The following ENOX1 variants were observed in gnomAD, a reference collection of about 807,000 sequenced individuals.
ENOX1 encodes ecto-NOX disulfide-thiol exchanger 1, also known as candidate growth-related and time keeping constitutive hydroquinone (NADH) oxidase.
ENOX1 carries 42 observed loss-of-function variants against 82.5 expected under a neutral mutation model. The observed-to-expected ratio is 0.51, with a 90% CI of 0.40 to 0.66. The LOEUF (loss-of-function observed/expected upper bound fraction) is 0.66. Among genes scored for constraint, ENOX1 ranks in the 30% least tolerant of loss-of-function variants. The pLI, the probability that ENOX1 is intolerant of heterozygous loss-of-function variation, is 0.00. For synonymous variants in ENOX1, 271 were observed against 282.2 expected (o/e 0.96, Z 0.40); for missense variants, 608 against 811.6 (o/e 0.75, Z 3.05).
chr13:43,446,824 T>C (rs541197347), intron 3 of ENOX1, among the ~76,000 whole-genome samples: 2 of 152,328 alleles, frequency 1.3e-5, no homozygotes, highest in East Asian at 3.9e-4. Context: ...TCCATGCCCA[T>C]CCTGGGGGCA....
intron 5 of ENOX1, among the ~76,000 whole-genome samples, chr13:43,390,071 G>C (rs775022146): frequency 1.3e-5 from 2 of 152,162 alleles, no homozygotes; most frequent in African/African-American, 4.8e-5. Context: ...TACATGTGTT[G>C]TATATACTTG....
chr13:43,352,135 G>A (rs1248765938), intron 8 of ENOX1, among the ~76,000 whole-genome samples: 2 of 152,144 alleles, frequency 1.3e-5, no homozygotes, highest in Non-Finnish European at 2.9e-5. Flanking sequence ...AGGCTGACAT[G>A]AGGCTATTCT....
At chr13:43,591,958 A>T (rs960981552) in intron 2 of ENOX1, among the ~76,000 whole-genome samples, 1 of 151,858 alleles carries the variant, frequency 6.6e-6, no homozygotes, top group Non-Finnish European at 1.5e-5. Context: ...TTCTCACAGC[A>T]GCCCACACAC....
chr13:43,325,548 A>G (rs1057159582), intron 10 of ENOX1, among the ~76,000 whole-genome samples: 18 of 152,220 alleles, frequency 1.2e-4, no homozygotes, highest in Non-Finnish European at 2.5e-4. Flanking sequence ...TAAAATACTT[A>G]TTTTACAAGT....
chr13:43,441,710 A>C (rs7331310), intron 3 of ENOX1, among the ~76,000 whole-genome samples: 90,374 of 152,002 alleles, frequency 0.59, 28,994 homozygotes, highest in Non-Finnish European at 0.74. Context: ...TGGGCAAATG[A>C]AATCTCCAGT....
chr13:43,464,285 A>C (rs1310289462), intron 3 of ENOX1, among the ~76,000 whole-genome samples: 1 of 152,252 alleles, frequency 6.6e-6, no homozygotes, highest in Non-Finnish European at 1.5e-5. Context: ...AAATAAATAT[A>C]GGAGGCAAGA....
At chr13:43,452,937 T>C (rs2057043229) in intron 3 of ENOX1, among the ~76,000 whole-genome samples, 1 of 152,192 alleles carries the variant, frequency 6.6e-6, no homozygotes, top group Admixed American at 6.5e-5. Context: ...TTATAGTCTG[T>C]TAGATGATCA....
intron 12 of ENOX1, among the ~76,000 whole-genome samples, chr13:43,297,257 T>C (rs1270933129): frequency 6.6e-6 from 1 of 152,224 alleles, no homozygotes; most frequent in African/African-American, 2.4e-5. Context: ...GTTAGGTTGA[T>C]GTATCTGTAG....
intron 2 of ENOX1, among the ~76,000 whole-genome samples, chr13:43,484,886 A>G (rs2076361356): frequency 6.6e-6 from 1 of 152,156 alleles, no homozygotes; most frequent in Admixed American, 6.5e-5. Flanking sequence ...TCCTTAGACA[A>G]AGAGAGAACT....
intron 2 of ENOX1, among the ~76,000 whole-genome samples, chr13:43,494,035 C>T (rs769606772): frequency 6.6e-6 from 1 of 152,078 alleles, no homozygotes; most frequent in African/African-American, 2.4e-5. Flanking sequence ...CATCAGATCT[C>T]GTGAGAACTC....
intron 5 of ENOX1, among the ~76,000 whole-genome samples, chr13:43,406,492 CTTTTT>C (rs58818536): frequency 8.8e-6 from 1 of 114,046 alleles, no homozygotes. Flanking sequence ...AGTATGTTGT[CTTTTT>C]TTTTTTTTTT....
Position 43,236,738 on chromosome 13 carries a change from C to A in ENOX1, c.1612G>T (p.Glu538Ter). Residue 538 changes from glutamate (E) to a stop codon, truncating the protein, a stop_gained and splice_region_variant, in exon 15 of 17, where the codon GAA becomes TAA. Coordinates refer to ENST00000690772, the MANE Select transcript of ENOX1 (RefSeq NM_001347969.2). LOFTEE classifies it high-confidence loss of function. Reference protein sequence around the residue: ...TNGHSHEDSNEINVLTVALVN... With the variant: ...TNGHSHEDSN ...AATGCAACTGTCAACACATTGATTT[C>A]CTATAAAGTTAAAAGCCAAAAACCA... The A allele has an allele frequency of 6.4e-7, 1 of 1,561,290 alleles. No homozygotes were observed. The highest frequency in any genetic ancestry group is 8.6e-7 in the Non-Finnish European group (1 of 1,163,290).
At chr13:43,351,394 TTTTATTTTATTTA>T (rs993824641) in intron 8 of ENOX1, among the ~76,000 whole-genome samples, 33 of 140,900 alleles carry the variant, frequency 2.3e-4, no homozygotes, top group East Asian at 4.3e-4. Flanking sequence ...AAATATTTCT[TTTTATTTTATTTA>T]TTTATTTTAT....
intron 2 of ENOX1, among the ~76,000 whole-genome samples, chr13:43,499,522 C>A (rs531260348): frequency 2.6e-5 from 4 of 152,144 alleles, no homozygotes; most frequent in East Asian, 1.9e-4. Context: ...CACTGACACC[C>A]GGCCCACCCA....
intron 2 of ENOX1, among the ~76,000 whole-genome samples, chr13:43,495,855 T>G (rs1222388301): frequency 2.0e-5 from 3 of 152,042 alleles, no homozygotes; most frequent in Non-Finnish European, 4.4e-5. Context: ...TCAGTCCTTT[T>G]ATTTTTATCT....
chr13:43,392,422 T>C (rs747631954), intron 5 of ENOX1, among the ~76,000 whole-genome samples: 11 of 152,224 alleles, frequency 7.2e-5, no homozygotes, highest in Non-Finnish European at 1.2e-4. Flanking sequence ...CTCACGCCTG[T>C]AATCCCAGCA....
At chr13:43,362,419 TAGAC>T (rs2050584834) in intron 5 of ENOX1, among the ~76,000 whole-genome samples, 1 of 152,104 alleles carries the variant, frequency 6.6e-6, no homozygotes, top group Admixed American at 6.5e-5. Flanking sequence ...TGTTCCCAGA[TAGAC>T]AGGCCAGGAT....
Position 43,353,076 on chromosome 13 carries a change from C to T in ENOX1, c.823+2843G>A, listed in dbSNP as rs536857941. On this transcript the variant is annotated intron_variant, in intron 8 of 16. Coordinates refer to ENST00000690772, the MANE Select transcript of ENOX1 (RefSeq NM_001347969.2). The stretch of plus-strand genomic sequence containing the variant: ...AGTCATATGGTAAAATGCTGATTAA[C>T]GAATACTTCTTGAGTGATTGGAAGG... Among the ~76,000 whole-genome samples, 10 of 152,030 alleles carry T rather than the reference C, an allele frequency of 6.6e-5. No individual in the cohort carries two copies. The South Asian group carries it at 1.0e-3, about 16-fold the overall frequency.
chr13:43,535,517 C>A (rs935468201), intron 2 of ENOX1, among the ~76,000 whole-genome samples: 4 of 152,128 alleles, frequency 2.6e-5, no homozygotes, highest in Non-Finnish European at 5.9e-5. Context: ...CACTTTGTAG[C>A]AAAGAGTTAC....
Sources: gnomAD v4.1 joint callset for allele counts (sites outside exome capture counted in the v4.1 genomes callset) on GRCh38, gnomAD v4.1.1 for gene constraint, MANE v1.5 for transcripts, NCBI Gene and HGNC (gene_info 2026-07-23, HGNC 2026-07-21) for gene names.